The following NEGR1 variants were observed in gnomAD, a reference collection of about 807,000 sequenced individuals.
NEGR1 encodes the protein IgLON family member 4.
A neutral mutation model predicts 40.9 loss-of-function variants in NEGR1; 10 were observed. The ratio of observed to expected loss-of-function variants is 0.24; its 90% CI spans 0.15 to 0.42. The LOEUF is 0.42. Ranked by LOEUF, NEGR1 falls within the 10% of genes least tolerant of loss-of-function variation. The probability of loss-of-function intolerance (pLI) is 1.00; values close to 1 mark genes in which losing one functional copy is unlikely to be tolerated. For synonymous variants in NEGR1, 185 were observed against 166.8 expected (o/e 1.11, Z -0.84); for missense variants, 352 against 438.9 (o/e 0.80, Z 1.77).
At chr1:71,494,723 A>C (rs1243042781) in intron 6 of NEGR1, among the ~76,000 whole-genome samples, 1 of 152,072 alleles carries the variant, frequency 6.6e-6, no homozygotes, top group Non-Finnish European at 1.5e-5. Context: ...CTGAAATTGC[A>C]TTGTTGGTCA....
chr1:71,846,716 A>C (rs1659426521), intron 2 of NEGR1, among the ~76,000 whole-genome samples: 2 of 152,186 alleles, frequency 1.3e-5, no homozygotes, highest in African/African-American at 4.8e-5. Context: ...GCAAGATCAA[A>C]GTGGCAGCAG....
chr1:72,234,995 A>G lies in NEGR1; in HGVS notation c.176+47324T>C, dbSNP rs147020187. ...TGTTCACTGCAACACTATTTAAATT[A>G]GCAAAGACATGGAATTAACCTGCCC... On this transcript the variant is annotated intron_variant, in intron 1 of 6. Coordinates refer to ENST00000357731, the MANE Select transcript of NEGR1 (RefSeq NM_173808.3). Among the ~76,000 whole-genome samples the G allele has an allele frequency of 2.0e-5, 3 of 152,310 alleles. No homozygotes were observed. In the East Asian group the frequency reaches 5.8e-4, roughly 29 times the overall value.
chr1:72,088,391 G>A (rs1225370052), intron 1 of NEGR1, among the ~76,000 whole-genome samples: 6 of 152,072 alleles, frequency 3.9e-5, no homozygotes, highest in Admixed American at 6.5e-5. Flanking sequence ...TTTACTATTC[G>A]GGCTATCACA....
chr1:72,155,684 C>A (rs746510249), intron 1 of NEGR1, among the ~76,000 whole-genome samples: 3 of 151,996 alleles, frequency 2.0e-5, no homozygotes, highest in Non-Finnish European at 4.4e-5. Flanking sequence ...AAGATCTTTA[C>A]AGGCAGAATG....
Position 71,988,923 on chromosome 1 carries a change from T to TAAAAAAAAAAAAAAA in NEGR1, c.177-53627_177-53613dup, listed in dbSNP as rs10604833. Among the ~76,000 whole-genome samples the TAAAAAAAAAAAAAAA allele has an allele frequency of 4.9e-4, 40 of 82,228 alleles. 2 individuals are homozygous for TAAAAAAAAAAAAAAA. The highest frequency in any genetic ancestry group is 2.2e-3 in the African/African-American group (39 of 17,434). The allele number at this position is 82,228 out of a possible 152,430, so 53.9% of individuals were successfully genotyped here. ...CAATGAGCTCTATCATATTGGATGT[T>TAAAAAAAAAAAAAAA]AAAAAAAAAAAAAAAAAAAAAAAAA... On this transcript the variant is annotated intron_variant, in intron 1 of 6. Transcript: ENST00000357731.
At chr1:71,560,962 A>G (rs1046668777) in intron 6 of NEGR1, among the ~76,000 whole-genome samples, 1 of 151,626 alleles carries the variant, frequency 6.6e-6, no homozygotes, top group African/African-American at 2.4e-5. Context: ...ATACTTGCTT[A>G]TGAATTTGGA....
At chr1:71,824,009 T>G (rs1658528904) in intron 2 of NEGR1, among the ~76,000 whole-genome samples, 1 of 152,020 alleles carries the variant, frequency 6.6e-6, no homozygotes, top group African/African-American at 2.4e-5. Context: ...AGCAATTCAA[T>G]GAAATGAAAT....
chr1:72,038,577 A>C (rs553332490), intron 1 of NEGR1, among the ~76,000 whole-genome samples: 1 of 152,094 alleles, frequency 6.6e-6, no homozygotes, highest in South Asian at 2.1e-4. Context: ...TTTCTGTTCT[A>C]AAAACATCAG....
At chr1:71,863,153 G>A (rs992383482) in intron 2 of NEGR1, among the ~76,000 whole-genome samples, 1 of 152,124 alleles carries the variant, frequency 6.6e-6, no homozygotes, top group Admixed American at 6.6e-5. Context: ...GCATGCATAT[G>A]TTCATTGCAG....
intron 3 of NEGR1, among the ~76,000 whole-genome samples, chr1:71,731,476 G>A (rs945899205): frequency 6.6e-6 from 1 of 152,216 alleles, no homozygotes; most frequent in Non-Finnish European, 1.5e-5. Context: ...CAGAGCCAAT[G>A]TAAGGGATAT....
At chr1:71,641,107 T>G (rs1053503635) in intron 4 of NEGR1, among the ~76,000 whole-genome samples, 1 of 152,086 alleles carries the variant, frequency 6.6e-6, no homozygotes, top group Non-Finnish European at 1.5e-5. Flanking sequence ...CACTGCTCAT[T>G]ACGACTGTAT....
At chr1:71,675,714 AAAAG>A (rs767750734) in intron 4 of NEGR1, among the ~76,000 whole-genome samples, 12 of 152,260 alleles carry the variant, frequency 7.9e-5, no homozygotes, top group Middle Eastern at 3.4e-3. Context: ...GGTATACAGA[AAAAG>A]AAACCAAGTT....
At chr1:71,747,478 G>A (rs868095911) in intron 3 of NEGR1, among the ~76,000 whole-genome samples, 4 of 150,500 alleles carry the variant, frequency 2.7e-5, no homozygotes, top group Admixed American at 1.3e-4. Context: ...AGGCTGGAGC[G>A]CAGTGGCATG....
At chr1:71,827,313 T>C (rs920909844) in intron 2 of NEGR1, among the ~76,000 whole-genome samples, 2 of 151,860 alleles carry the variant, frequency 1.3e-5, no homozygotes, top group Non-Finnish European at 2.9e-5. Flanking sequence ...ATGGGTAAAA[T>C]TTGATAGATT....
chr1:71,431,101 TA>T, intron 6 of NEGR1, among the ~76,000 whole-genome samples: 1 of 144,136 alleles, frequency 6.9e-6, no homozygotes, highest in Non-Finnish European at 1.5e-5. Flanking sequence ...TTTATGATCA[TA>T]AAAAAGGTCA....
chr1:72,245,713 C>T (rs958460420), intron 1 of NEGR1, among the ~76,000 whole-genome samples: 6 of 152,060 alleles, frequency 3.9e-5, no homozygotes, highest in African/African-American at 1.4e-4. Context: ...AACATTTCAA[C>T]TTTGCATAAA....
chr1:71,787,674 T>C (rs1570346706), intron 2 of NEGR1, among the ~76,000 whole-genome samples: 1 of 152,146 alleles, frequency 6.6e-6, no homozygotes, highest in East Asian at 1.9e-4. Context: ...CATCATTACA[T>C]GTTGGACAAT....
intron 1 of NEGR1, among the ~76,000 whole-genome samples, chr1:72,154,730 T>A (rs1403166432): frequency 2.0e-5 from 3 of 152,166 alleles, no homozygotes; most frequent in African/African-American, 7.2e-5. Flanking sequence ...AGGTTAATAT[T>A]CTTTACACAT....
In NEGR1 at chr1:71,943,091, C is replaced by A. The variant is rs1269022875; in HGVS notation, c.177-7780G>T. ...ATATATATGTGTATATATATACACA[C>A]ATACATATATATGTATATTTATAAA... On this transcript the variant is annotated intron_variant, in intron 1 of 6. Transcript: ENST00000357731. 1.0e-4 allele frequency among the ~76,000 whole-genome samples: 15 copies of A among 143,816 alleles called. No individual in the cohort carries two copies. In the East Asian group the frequency reaches 3.1e-3, roughly 29 times the overall value. The allele number at this position is 143,816 out of a possible 152,430, so 94.3% of individuals were successfully genotyped here.
Sources: gnomAD v4.1 joint callset for allele counts (sites outside exome capture counted in the v4.1 genomes callset) on GRCh38, gnomAD v4.1.1 for gene constraint, MANE v1.5 for transcripts, NCBI Gene and HGNC (gene_info 2026-07-23, HGNC 2026-07-21) for gene names.